Variants in KLHL1 observed in about 807,000 individuals in gnomAD.
KLHL1 encodes kelch like family member 1, also known as kelch-like protein 1.
A neutral mutation model predicts 77.7 loss-of-function variants in KLHL1; 47 were observed. That is an observed-to-expected ratio of 0.60 (90% CI 0.48 to 0.77). KLHL1 has a LOEUF of 0.77. Among genes scored for constraint, KLHL1 ranks in the 30% least tolerant of loss-of-function variants. The pLI, the probability that KLHL1 is intolerant of heterozygous loss-of-function variation, is 0.00. For missense variants in KLHL1, 925 were observed against 910.8 expected (o/e 1.02, Z -0.20); for synonymous variants, 360 against 325.2 (o/e 1.11, Z -1.15).
At chr13:69,703,528 C>T (rs1336550661) in intron 10 of KLHL1, among the ~76,000 whole-genome samples, 8 of 151,040 alleles carry the variant, frequency 5.3e-5, no homozygotes, top group Non-Finnish European at 1.0e-4. Flanking sequence ...TTAGTGTAGC[C>T]TAAGTGTAGA....
At chr13:69,773,000 C>T (rs868046839) in intron 7 of KLHL1, among the ~76,000 whole-genome samples, 3 of 151,582 alleles carry the variant, frequency 2.0e-5, no homozygotes, top group Non-Finnish European at 4.4e-5. Context: ...TCAGGAAGAT[C>T]CGAGTGAGAA....
chr13:69,840,698 A>G (rs200321182), intron 5 of KLHL1, among the ~76,000 whole-genome samples: 317 of 146,338 alleles, frequency 2.2e-3, no homozygotes, highest in African/African-American at 5.7e-3. Flanking sequence ...ATATATATAT[A>G]TATGTATGTA....
chr13:70,088,976 T>C (rs1232436216), intron 1 of KLHL1, among the ~76,000 whole-genome samples: 1 of 152,182 alleles, frequency 6.6e-6, no homozygotes, highest in East Asian at 1.9e-4. Context: ...TATTTTATTG[T>C]TTCTTATCAG....
At chr13:69,990,031 T>G (rs907742962) in intron 1 of KLHL1, among the ~76,000 whole-genome samples, 1 of 151,970 alleles carries the variant, frequency 6.6e-6, no homozygotes, top group Admixed American at 6.6e-5. Flanking sequence ...TTCAACATTC[T>G]TAAAGAAAAT....
intron 7 of KLHL1, among the ~76,000 whole-genome samples, chr13:69,785,053 C>A (rs1287889157): frequency 1.3e-5 from 2 of 151,578 alleles, no homozygotes; most frequent in South Asian, 2.1e-4. Flanking sequence ...CTACGCCCGG[C>A]TAATTTTTTT....
intron 9 of KLHL1, among the ~76,000 whole-genome samples, chr13:69,715,325 T>C (rs771666125): frequency 8.6e-5 from 13 of 152,004 alleles, no homozygotes; most frequent in Non-Finnish European, 1.8e-4. Context: ...CTTGTGACAG[T>C]GAGTGAGTTT....
At chr13:69,777,776 T>A (rs1399490123) in intron 7 of KLHL1, among the ~76,000 whole-genome samples, 1 of 152,142 alleles carries the variant, frequency 6.6e-6, no homozygotes, top group African/African-American at 2.4e-5. Context: ...TCATTGTATG[T>A]ATAACTAACT....
At chr13:69,838,004 A>G (rs74090493) in intron 6 of KLHL1, among the ~76,000 whole-genome samples, 12,233 of 151,610 alleles carry the variant, frequency 0.081, 928 homozygotes, top group African/African-American at 0.2. Context: ...ATTTACAGGA[A>G]TTGCTCTTTT....
intron 4 of KLHL1, among the ~76,000 whole-genome samples, chr13:69,921,113 A>G (rs575557090): frequency 2.0e-5 from 3 of 152,334 alleles, no homozygotes; most frequent in African/African-American, 7.2e-5. Context: ...TGACCAGTAG[A>G]GAGTTAAACA....
intron 6 of KLHL1, among the ~76,000 whole-genome samples, chr13:69,804,754 T>C (rs1190179327): frequency 6.6e-6 from 1 of 152,152 alleles, no homozygotes; most frequent in South Asian, 2.1e-4. Flanking sequence ...CCATATTATA[T>C]AATACCTAAA....
chr13:69,902,424 GA>G (rs1881898867), intron 4 of KLHL1, among the ~76,000 whole-genome samples: 1 of 152,106 alleles, frequency 6.6e-6, no homozygotes, highest in Non-Finnish European at 1.5e-5. Context: ...TGGTATACTT[GA>G]AGAGTATTTT....
intron 4 of KLHL1, among the ~76,000 whole-genome samples, chr13:69,934,242 T>C (rs561252472): frequency 6.6e-6 from 1 of 152,288 alleles, no homozygotes; most frequent in Non-Finnish European, 1.5e-5. Flanking sequence ...GTAAAGCTGC[T>C]GCTTATGTGC....
At chr13:69,896,146 T>C (rs962755487) in intron 4 of KLHL1, among the ~76,000 whole-genome samples, 3 of 152,134 alleles carry the variant, frequency 2.0e-5, no homozygotes, top group Non-Finnish European at 2.9e-5. Flanking sequence ...CATTGGTTGG[T>C]TTGCCCCACT....
At chr13:69,732,819 C>T (rs926489132) in intron 8 of KLHL1, among the ~76,000 whole-genome samples, 1 of 152,090 alleles carries the variant, frequency 6.6e-6, no homozygotes, top group Admixed American at 6.6e-5. Flanking sequence ...AGCAGATTGG[C>T]ATCTTCTTCT....
At chr13:69,848,054 A>G (rs1255426195) in intron 5 of KLHL1, among the ~76,000 whole-genome samples, 1 of 151,586 alleles carries the variant, frequency 6.6e-6, no homozygotes. Context: ...TGGTGAAAGG[A>G]AAGAGTTCAG....
At chr13:69,840,726 G>T (rs1879223371) in intron 5 of KLHL1, among the ~76,000 whole-genome samples, 1 of 150,438 alleles carries the variant, frequency 6.6e-6, no homozygotes, top group Non-Finnish European at 1.5e-5. Flanking sequence ...ATGTATGTAT[G>T]TATGTATGTA....
Position 69,959,557 on chromosome 13 carries a change from T to TAA in KLHL1, c.817+1749_817+1750dup, listed in dbSNP as rs35521937. Reference sequence around the variant, plus strand: ...ACCCCTCTTTTTTCAGACTACTCATTAAAAAAAAAAAACATGGAATTGTAA... The same window carrying TAA: ...ACCCCTCTTTTTTCAGACTACTCATTAAAAAAAAAAAAAACATGGAATTGTAA... On this transcript the variant is annotated intron_variant, in intron 3 of 10. Coordinates refer to ENST00000377844, the MANE Select transcript of KLHL1 (RefSeq NM_020866.3). 1.1e-3 allele frequency among the ~76,000 whole-genome samples: 165 copies of TAA among 144,986 alleles called. 1 individual carries two copies. Among genetic ancestry groups the TAA allele is most frequent in the East Asian group, 0.011 (55 of 4,974 alleles).
chr13:70,095,666 C>T (rs977076465), intron 1 of KLHL1, among the ~76,000 whole-genome samples: 1 of 152,102 alleles, frequency 6.6e-6, no homozygotes, highest in African/African-American at 2.4e-5. Flanking sequence ...AAGCATTTAT[C>T]ATTTATTTGT....
intron 1 of KLHL1, among the ~76,000 whole-genome samples, chr13:69,986,750 A>C (rs945403709): frequency 6.6e-6 from 1 of 151,994 alleles, no homozygotes; most frequent in Non-Finnish European, 1.5e-5. Context: ...ATACTCTTAG[A>C]GATGAGTTAG....
Sources: allele counts gnomAD v4.1 joint callset (sites outside exome capture counted in the v4.1 genomes callset), GRCh38; gene constraint gnomAD v4.1.1; transcripts MANE v1.5; gene names NCBI Gene and HGNC (gene_info 2026-07-23, HGNC 2026-07-21).